PC: variants seen among roughly 807,000 people sequenced by gnomAD.
PC encodes the protein pyruvate carboxylase.
Under a neutral mutation model 107.8 loss-of-function variants are expected in PC, and 46 were observed. The ratio of observed to expected loss-of-function variants is 0.43; its 90% CI spans 0.34 to 0.55. The LOEUF (loss-of-function observed/expected upper bound fraction) is 0.55. PC is among the 20% of genes least tolerant of loss of function. The pLI, the probability that PC is intolerant of heterozygous loss-of-function variation, is 0.04. For synonymous variants in PC, 662 were observed against 684.7 expected, an observed-to-expected ratio of 0.97 and a Z score of 0.52; for missense variants, 1,241 against 1,643.1, an observed-to-expected ratio of 0.76 and a Z score of 4.23.
intron 3 of PC, among the ~76,000 whole-genome samples, chr11:66,880,097 C>A (rs747415055): frequency 6.6e-6 from 1 of 152,178 alleles, no homozygotes; most frequent in Non-Finnish European, 1.5e-5. Context: ...CCACTGCATT[C>A]CCAGGGCGCC....
At chr11:66,885,477 A>C (rs1303906133) in intron 3 of PC, among the ~76,000 whole-genome samples, 1 of 139,476 alleles carries the variant, frequency 7.2e-6, no homozygotes, top group Non-Finnish European at 1.5e-5. Flanking sequence ...GGCAACAGTG[A>C]GACTCTGTCT....
At chr11:66,917,552 A>G (rs1476622287) in intron 3 of PC, among the ~76,000 whole-genome samples, 1 of 152,214 alleles carries the variant, frequency 6.6e-6, no homozygotes, top group Non-Finnish European at 1.5e-5. Context: ...AAGGAAAACT[A>G]GAACCAGGCC....
chr11:66,924,842 G>C (rs989391886), intron 3 of PC, among the ~76,000 whole-genome samples: 6 of 152,166 alleles, frequency 3.9e-5, no homozygotes, highest in Admixed American at 6.5e-5. Flanking sequence ...GGTATCGGGG[G>C]AAACAGCCCC....
chr11:66,938,549 T>G (rs1447629869), intron 3 of PC, among the ~76,000 whole-genome samples: 1 of 152,144 alleles, frequency 6.6e-6, no homozygotes, highest in East Asian at 1.9e-4. Context: ...TAATTAGATT[T>G]TTTAAATTGA....
chr11:66,894,733 C>T (rs1241584669), intron 3 of PC, among the ~76,000 whole-genome samples: 2 of 152,168 alleles, frequency 1.3e-5, no homozygotes, highest in African/African-American at 4.8e-5. Flanking sequence ...TTTCAAAAAG[C>T]AATCAGGGCT....
chr11:66,887,678 G>A (rs1448968575), intron 3 of PC, among the ~76,000 whole-genome samples: 6 of 152,320 alleles, frequency 3.9e-5, no homozygotes, highest in Admixed American at 3.9e-4. Flanking sequence ...AGAGAGCCAG[G>A]GGCAGGGGAA....
intron 1 of PC, among the ~76,000 whole-genome samples, 195 bp from the exon 2 acceptor site, chr11:66,954,631 C>T (rs1297198901): frequency 6.6e-6 from 1 of 152,162 alleles, no homozygotes; most frequent in Non-Finnish European, 1.5e-5. Context: ...AAGAGAAGGC[C>T]ATGCTCATCC....
At chr11:66,880,165 C>T (rs1947134170) in intron 3 of PC, among the ~76,000 whole-genome samples, 3 of 152,218 alleles carry the variant, frequency 2.0e-5, no homozygotes, top group Admixed American at 2.0e-4. Flanking sequence ...GCACTGCCTT[C>T]CCAGATCTGA....
At chr11:66,873,493 A>AT (rs1946847787) in intron 3 of PC, among the ~76,000 whole-genome samples, 2 of 12,484 alleles carry the variant, frequency 1.6e-4, no homozygotes, top group Non-Finnish European at 2.8e-4. Context: ...AATATTATAT[A>AT]TATTATATAA....
At chr11:66,932,312 G>A (rs1948878416) in intron 3 of PC, among the ~76,000 whole-genome samples, 1 of 152,094 alleles carries the variant, frequency 6.6e-6, no homozygotes, top group African/African-American at 2.4e-5. Flanking sequence ...TAGCATCTCT[G>A]AGGAGTTACC....
rs185349859 is a variant in PC at position 66,937,920 on chromosome 11, G to A, written c.-1+14510C>T. Among the ~76,000 whole-genome samples, 171 of 152,106 alleles carry A rather than the reference G, an allele frequency of 1.1e-3. 2 individuals carry two copies. Among genetic ancestry groups the A allele is most frequent in the Admixed American group, 0.011 (169 of 15,260 alleles). ...GCCTCCTGAGTAGCTGGGACTACAG[G>A]TGCGTGCCACCACACTCAGCTAATT... On this transcript the variant is annotated intron_variant, in intron 3 of 22. Transcript: ENST00000393960.
At position 66,850,654 on chromosome 11, in the gene PC, C is replaced by A. The variant is rs776906176; in HGVS notation, c.2473+20G>T. 3.9e-5 allele frequency: 62 copies of A among 1,605,626 alleles called. No homozygotes were observed. The Middle Eastern group carries it at 6.9e-4, about 18-fold the overall frequency. On this transcript the variant is annotated intron_variant, in intron 18 of 22. Coordinates refer to ENST00000393960, the MANE Select transcript of PC (RefSeq NM_001040716.2). ...TGCGGCTTTGAGAGGGGTGTGGCCACGGGCTGCTGTTCTTCCTACCTGTGT... is the reference window on the plus strand; with the variant it reads ...TGCGGCTTTGAGAGGGGTGTGGCCAAGGGCTGCTGTTCTTCCTACCTGTGT...
chr11:66,897,076 C>T (rs1232573208), intron 3 of PC, among the ~76,000 whole-genome samples: 2 of 151,982 alleles, frequency 1.3e-5, no homozygotes, highest in Non-Finnish European at 1.5e-5. Context: ...GGATTACAGG[C>T]GCGCACCACC....
intron 12 of PC, among the ~76,000 whole-genome samples, chr11:66,856,420 C>CGGCGGG (rs1198674131): frequency 7.7e-6 from 1 of 130,120 alleles, no homozygotes; most frequent in Non-Finnish European, 1.6e-5. Flanking sequence ...CAGGGCGGGG[C>CGGCGGG]GGCGGGGGCG....
intron 3 of PC, among the ~76,000 whole-genome samples, chr11:66,883,093 G>A (rs1242182823): frequency 1.3e-5 from 2 of 152,316 alleles, no homozygotes; most frequent in South Asian, 2.1e-4. Context: ...GCACTGCGGC[G>A]ACGAACAGCA....
chr11:66,943,982 A>G (rs1296567120), intron 3 of PC, among the ~76,000 whole-genome samples: 1 of 148,782 alleles, frequency 6.7e-6, no homozygotes, highest in East Asian at 2.0e-4. Flanking sequence ...AAAAAAAAAA[A>G]AAAAGAAAAG....
At chr11:66,892,009 T>A (rs1390705883) in intron 3 of PC, among the ~76,000 whole-genome samples, 2 of 152,204 alleles carry the variant, frequency 1.3e-5, no homozygotes, top group Admixed American at 6.5e-5. Flanking sequence ...CTTACTGAGC[T>A]GTAATAAATC....
chr11:66,954,819 T>C (rs963377581), intron 1 of PC, among the ~76,000 whole-genome samples: 5 of 152,056 alleles, frequency 3.3e-5, no homozygotes, highest in Non-Finnish European at 4.4e-5. Context: ...GGTTGGTGCC[T>C]GTAATCCCAG....
At chr11:66,922,527 G>A (rs575487641) in intron 3 of PC, among the ~76,000 whole-genome samples, 4 of 136,428 alleles carry the variant, frequency 2.9e-5, no homozygotes, top group African/African-American at 5.5e-5. Flanking sequence ...GTAGTGAGCC[G>A]AGATCGAAAG....
Sources: allele counts gnomAD v4.1 joint callset (sites outside exome capture counted in the v4.1 genomes callset), GRCh38; gene constraint gnomAD v4.1.1; transcripts MANE v1.5; gene names NCBI Gene and HGNC (gene_info 2026-07-23, HGNC 2026-07-21).